PRELID2: variants seen among roughly 807,000 people sequenced by gnomAD.
PRELID2 encodes PRELI domain-containing protein 2.
Under a neutral mutation model 28.4 loss-of-function variants are expected in PRELID2, and 25 were observed. The observed-to-expected ratio is 0.88, with a 90% confidence interval of 0.64 to 1.23. The LOEUF (loss-of-function observed/expected upper bound fraction) is 1.23, where lower values mean the gene tolerates loss of function less well. PRELID2 is among the 50% of genes most tolerant of loss of function. PRELID2 has a pLI of 0.00. For missense variants in PRELID2, 201 were observed against 214.4 expected, an observed-to-expected ratio of 0.94 and a Z score of 0.39; for synonymous variants, 76 against 71.6, an observed-to-expected ratio of 1.06 and a Z score of -0.31.
the PRELID2 span, among the ~76,000 whole-genome samples, chr5:145,417,086 C>T: frequency 2.0e-5 from 3 of 151,922 alleles, no homozygotes; most frequent in Non-Finnish European, 4.4e-5. Flanking sequence ...ACCACTGACC[C>T]CACAGAAATA....
intron 1 of PRELID2, among the ~76,000 whole-genome samples, chr5:145,529,891 C>T (rs1002367321): frequency 1.3e-5 from 2 of 152,114 alleles, no homozygotes; most frequent in Non-Finnish European, 2.9e-5. Context: ...ACTATTAGCA[C>T]GTTTTATGTA....
At chr5:145,654,478 A>C (rs1380873020) in intron 1 of PRELID2, among the ~76,000 whole-genome samples, 1 of 152,248 alleles carries the variant, frequency 6.6e-6, no homozygotes, top group East Asian at 1.9e-4. Flanking sequence ...TCCCTGATGA[A>C]CATTGATGCA....
the PRELID2 span, among the ~76,000 whole-genome samples, chr5:145,300,152 C>T: frequency 2.0e-5 from 3 of 152,046 alleles, no homozygotes; most frequent in Non-Finnish European, 4.4e-5. Flanking sequence ...CCATCTTTGA[C>T]CAGTTCTAGC....
chr5:145,505,159 C>T (rs1161002269), intron 1 of PRELID2, among the ~76,000 whole-genome samples: 1 of 151,010 alleles, frequency 6.6e-6, no homozygotes, highest in Non-Finnish European at 1.5e-5. Flanking sequence ...TTTAAACATA[C>T]ATTTTCTTCT....
At chr5:145,262,823 G>T in the PRELID2 span, among the ~76,000 whole-genome samples, 4 of 151,508 alleles carry the variant, frequency 2.6e-5, no homozygotes, top group Non-Finnish European at 5.9e-5. Flanking sequence ...ACAATGAAAA[G>T]AATAGTACCT....
chr5:145,229,594 C>T, the PRELID2 span: 1 of 1,362,382 alleles, frequency 7.3e-7, no homozygotes, highest in Non-Finnish European at 1.0e-6. Context: ...AAGTTGCAGG[C>T]AAGCACGGTG....
intron 1 of PRELID2, among the ~76,000 whole-genome samples, chr5:145,594,505 C>T (rs536323680): frequency 2.6e-5 from 4 of 151,960 alleles, no homozygotes; most frequent in African/African-American, 4.8e-5. Flanking sequence ...CTTCAAAAAA[C>T]GTATTAAAAG....
At chr5:145,413,197 C>A in the PRELID2 span, among the ~76,000 whole-genome samples, 1 of 152,032 alleles carries the variant, frequency 6.6e-6, no homozygotes, top group Non-Finnish European at 1.5e-5. Flanking sequence ...ATAGACAATT[C>A]TCAAAACAAG....
At chr5:145,578,180 C>T (rs554449722) in intron 1 of PRELID2, among the ~76,000 whole-genome samples, 1 of 152,258 alleles carries the variant, frequency 6.6e-6, no homozygotes, top group East Asian at 1.9e-4. Context: ...AGATATCTCC[C>T]ATCTTGCCAC....
intron 1 of PRELID2, among the ~76,000 whole-genome samples, chr5:145,623,248 A>G (rs1338236335): frequency 6.6e-6 from 1 of 151,850 alleles, no homozygotes; most frequent in Non-Finnish European, 1.5e-5. Context: ...CATGAGATTG[A>G]GACCAGCCGG....
rs1423856987 is a variant in PRELID2 at position 145,826,415 on chromosome 5, TC to T, written c.76-3282del. Among the ~76,000 whole-genome samples the T allele has an allele frequency of 2.0e-5, 3 of 152,294 alleles. No homozygotes were observed. The East Asian group carries it at 5.8e-4, about 29-fold the overall frequency. ...CAAACTGCAGTGTGCAAGAGAACGA[TC>T]CCACAGGCTGCATACATATGCCATG... On this transcript the variant is annotated intron_variant, in intron 1 of 6. Coordinates refer to ENST00000683046, the MANE Select transcript of PRELID2 (RefSeq NM_205846.3).
the PRELID2 span, among the ~76,000 whole-genome samples, chr5:145,388,709 C>G: frequency 6.6e-6 from 1 of 151,998 alleles, no homozygotes; most frequent in South Asian, 2.1e-4. Context: ...CTTAATTTTC[C>G]CTCGGTGTTA....
At chr5:145,306,512 G>T in the PRELID2 span, among the ~76,000 whole-genome samples, 1 of 151,764 alleles carries the variant, frequency 6.6e-6, no homozygotes, top group African/African-American at 2.4e-5. Context: ...TTACTTAAAA[G>T]AAAAACATTT....
intron 1 of PRELID2, among the ~76,000 whole-genome samples, chr5:145,740,271 TA>T (rs1756623034): frequency 2.5e-4 from 3 of 11,782 alleles, no homozygotes; most frequent in Non-Finnish European, 4.0e-4. Context: ...ATCAAATATA[TA>T]TATATATATA....
chr5:145,543,445 C>T (rs556144303), intron 1 of PRELID2, among the ~76,000 whole-genome samples: 26 of 152,172 alleles, frequency 1.7e-4, no homozygotes, highest in African/African-American at 6.0e-4. Context: ...GGCTCTTTAT[C>T]TAATGGTGCA....
intron 1 of PRELID2, among the ~76,000 whole-genome samples, chr5:145,485,617 G>A (rs1033029703): frequency 2.0e-5 from 3 of 152,224 alleles, no homozygotes; most frequent in African/African-American, 4.8e-5. Context: ...GCACTTCTGC[G>A]TGCCTGTGCT....
chr5:145,482,476 C>A (rs1463310935), intron 1 of PRELID2, among the ~76,000 whole-genome samples: 2 of 152,038 alleles, frequency 1.3e-5, no homozygotes, highest in Admixed American at 6.6e-5. Flanking sequence ...TAACAAACTT[C>A]CAACATTTAC....
At chr5:145,282,588 C>T in the PRELID2 span, among the ~76,000 whole-genome samples, 3 of 150,630 alleles carry the variant, frequency 2.0e-5, no homozygotes, top group Non-Finnish European at 2.9e-5. Flanking sequence ...GGCATGATCT[C>T]GGCTCACTGC....
intron 1 of PRELID2, among the ~76,000 whole-genome samples, chr5:145,537,528 GTA>G (rs1181173043): frequency 2.0e-5 from 3 of 151,822 alleles, no homozygotes; most frequent in African/African-American, 7.2e-5. Flanking sequence ...CAGGAACTAG[GTA>G]GTATCTTGTG....
Sources: gnomAD v4.1 joint callset for allele counts (sites outside exome capture counted in the v4.1 genomes callset) on GRCh38, gnomAD v4.1.1 for gene constraint, MANE v1.5 for transcripts, NCBI Gene and HGNC (gene_info 2026-07-23, HGNC 2026-07-21) for gene names.